The following SYT7 variants were observed in gnomAD, a reference collection of about 807,000 sequenced individuals.
SYT7 encodes the protein synaptotagmin-7.
A neutral mutation model predicts 75.1 loss-of-function variants in SYT7; 29 were observed. The observed-to-expected ratio is 0.39, with a 90% CI of 0.29 to 0.53. The LOEUF is 0.53. Among genes scored for constraint, SYT7 ranks in the 20% least tolerant of loss-of-function variants. The pLI is 0.77. For missense variants in SYT7, 693 were observed against 953.2 expected (o/e 0.73, Z 3.59); for synonymous variants, 376 against 401.7 (o/e 0.94, Z 0.76).
chr11:61,524,914 C>T lies in SYT7; in HGVS notation c.1472-382G>A. On this transcript the variant is annotated intron_variant, in intron 9 of 12. Transcript: ENST00000539008. The surrounding 1 kb of genome is among the most constrained non-coding windows in gnomAD (Gnocchi z 4.1). The stretch of plus-strand genomic sequence containing the variant: ...CCAATCGTCCCGAGGCGGGTCTGGG[C>T]AAGTGGCTCTGTCTAGGTGGCCACA... 5.8e-6 allele frequency: 1 copy of T among 172,928 alleles called. No individual in the cohort carries two copies. Among genetic ancestry groups the T allele is most frequent in the Non-Finnish European group, 1.3e-5 (1 of 79,932 alleles). The allele number at this position is 172,928 out of a possible 1,614,324, so 10.7% of individuals were successfully genotyped here. A position where few individuals can be genotyped will look rare whatever the true frequency, so the allele number is the denominator to read the frequency against.
chr11:61,581,018 C>A lies in SYT7; in HGVS notation c.-198G>T. The A allele has an allele frequency of 1.1e-6, 1 of 905,442 alleles. No homozygotes were observed. Among genetic ancestry groups the A allele is most frequent in the South Asian group, 4.9e-5 (1 of 20,534 alleles). 56.1% of individuals were successfully genotyped at this position (905,442 alleles called of 1,614,324 possible). ...CCCTCCCGCCCGCCCGCGGAGCACG[C>A]TGCCGCCGCCGCCGAACAGCGCCGA... On this transcript the variant is annotated 5_prime_UTR_variant, in exon 1 of 13. Transcript: ENST00000539008.
intron 6 of SYT7, among the ~76,000 whole-genome samples, chr11:61,538,795 C>T (rs2062957676): frequency 6.6e-6 from 1 of 152,190 alleles, no homozygotes; most frequent in African/African-American, 2.4e-5. Context: ...GCACCGGCAC[C>T]GCGCAGGCTT....
At chr11:61,531,996 T>C (rs906746052) in intron 8 of SYT7, among the ~76,000 whole-genome samples, 2 of 151,294 alleles carry the variant, frequency 1.3e-5, no homozygotes, top group African/African-American at 2.4e-5. Context: ...CCTGTGCACG[T>C]AGCAATTTGA....
At chr11:61,538,060 G>A in intron 7 of SYT7, 84 bp downstream of exon 7, 1 of 1,508,662 alleles carries the variant, frequency 6.6e-7, no homozygotes, top group Non-Finnish European at 8.9e-7. Flanking sequence ...ACCTCGTCCA[G>A]CAGCCGGGGC....
At chr11:61,538,091 T>A in intron 7 of SYT7, 53 bp downstream of exon 7, 1 of 1,531,306 alleles carries the variant, frequency 6.5e-7, no homozygotes. Flanking sequence ...AGGCGGCCTC[T>A]CCGCGCCTCC....
chr11:61,533,188 T>TG (rs1202631786), intron 7 of SYT7, 64 bp from the exon 8 acceptor site: 2 of 1,497,796 alleles, frequency 1.3e-6, no homozygotes, highest in Non-Finnish European at 1.8e-6. Context: ...CACCCCGGCC[T>TG]GGGGGGTGGC....
chr11:61,540,790 G>A (rs1358112766), intron 6 of SYT7: 3 of 985,484 alleles, frequency 3.0e-6, no homozygotes, highest in East Asian at 2.3e-4. Flanking sequence ...TCTCAGTCCT[G>A]TTCAAGCCAC....
intron 2 of SYT7, among the ~76,000 whole-genome samples, chr11:61,554,660 C>T (rs1020074945): frequency 5.9e-5 from 9 of 152,140 alleles, no homozygotes; most frequent in Admixed American, 2.0e-4. Context: ...CTCAGCCACT[C>T]CCCCAGCCTC....
chr11:61,554,498 C>CA (rs1482146034), intron 2 of SYT7, among the ~76,000 whole-genome samples: 1 of 152,220 alleles, frequency 6.6e-6, no homozygotes, highest in African/African-American at 2.4e-5. Context: ...CCCTCAAAGT[C>CA]AACACATTCA....
Position 61,573,876 on chromosome 11 carries a change from G to A in SYT7, c.31+6914C>T, listed in dbSNP as rs2063993308. ...CCTGTATCTGAAGCTCACACCCTTA[G>A]GTCTGGCAGCGTGGCTGGAATCCCA... On this transcript the variant is annotated intron_variant, in intron 1 of 12. Transcript: ENST00000539008. 3.3e-5 allele frequency among the ~76,000 whole-genome samples: 5 copies of A among 152,222 alleles called. No individual in the cohort carries two copies. In the South Asian group the frequency reaches 1.0e-3, roughly 31 times the overall value.
At chr11:61,540,915 G>A (rs2063023926) in intron 6 of SYT7, 1 of 985,492 alleles carries the variant, frequency 1.0e-6, no homozygotes, top group Middle Eastern at 5.2e-4. Flanking sequence ...TCTTGTGCAG[G>A]CGTCCAGTTA....
chr11:61,524,566 G>T lies in SYT7; in HGVS notation c.1472-34C>A. ...ATAGATGAGTGTGAGTGAAGAGGGGGACAGAGGGGCTGCACGGGGCCCGGG... is the reference window on the plus strand; with the variant it reads ...ATAGATGAGTGTGAGTGAAGAGGGGTACAGAGGGGCTGCACGGGGCCCGGG... On this transcript the variant is annotated intron_variant, in intron 9 of 12. Coordinates refer to ENST00000539008, the MANE Select transcript of SYT7 (RefSeq NM_001365809.2). This position sits in a 1 kb window ranked among gnomAD's most constrained non-coding sequence, Gnocchi z 4.1. 1 of 1,541,290 alleles carries T rather than the reference G, an allele frequency of 6.5e-7. No homozygotes were observed. Among genetic ancestry groups the T allele is most frequent in the African/African-American group, 1.4e-5 (1 of 73,020 alleles).
rs1209762799 is a variant in SYT7, at chr11:61,551,347, G to C, written c.215+37C>G. On this transcript the variant is annotated intron_variant, in intron 3 of 12. Transcript: ENST00000539008. This position sits in a 1 kb window ranked among gnomAD's most constrained non-coding sequence, Gnocchi z 5.3. ...GGGGCTCCTCCCACCTGGGCTGCTT[G>C]TGTGGCCCCATCCCAAACTAGCAGC... The C allele has an allele frequency of 6.2e-7, 1 of 1,604,852 alleles. No homozygotes were observed. Among genetic ancestry groups the C allele is most frequent in the Admixed American group, 1.7e-5 (1 of 59,954 alleles).
At chr11:61,582,981 A>G (rs2064314067), upstream of SYT7, among the ~76,000 whole-genome samples, 1 of 152,136 alleles carries the variant, frequency 6.6e-6, no homozygotes, top group African/African-American at 2.4e-5. Flanking sequence ...TAAGCCCAGC[A>G]CTTTGGGATG....
rs1016598846 is a variant in SYT7 at position 61,516,430 on chromosome 11, A to G, written c.*2197T>C. The G allele has an allele frequency of 6.6e-6, 1 of 151,858 alleles. No individual in the cohort carries two copies. Among genetic ancestry groups the G allele is most frequent in the South Asian group, 2.1e-4 (1 of 4,812 alleles). The allele number at this position is 151,858 out of a possible 1,614,324, so 9.4% of individuals were successfully genotyped here. A position where few individuals can be genotyped will look rare whatever the true frequency, so the allele number is the denominator to read the frequency against. On this transcript the variant is annotated 3_prime_UTR_variant, in exon 13 of 13. Transcript: ENST00000539008. The surrounding 1 kb of genome is among the most constrained non-coding windows in gnomAD (Gnocchi z 4.6). The stretch of plus-strand genomic sequence containing the variant: ...AAAATGGGGAGCCGTTGCCCCGCCC[A>G]CTCGATACAAGTTGGTTGGATCCCC...
chr11:61,587,235 G>A, the SYT7 span, among the ~76,000 whole-genome samples: 1 of 152,170 alleles, frequency 6.6e-6, no homozygotes, highest in Non-Finnish European at 1.5e-5. Flanking sequence ...GGCCTGAGTT[G>A]GAACCCCAGA....
rs576230370 is a variant in SYT7, at chr11:61,580,370, T to C, written c.31+420A>G. On this transcript the variant is annotated intron_variant, in intron 1 of 12. Transcript: ENST00000539008. The surrounding 1 kb of genome is among the most constrained non-coding windows in gnomAD (Gnocchi z 6.1). ...CTCCGCTCCCCTGTGCCCGCAACCT[T>C]GGCCAAGAGCTGCCGGGATCCTCGC... Among the ~76,000 whole-genome samples, 22 of 152,008 alleles carry C rather than the reference T, an allele frequency of 1.4e-4. No homozygotes were observed. The highest frequency in any genetic ancestry group is 5.3e-4 in the African/African-American group (22 of 41,412).
At chr11:61,527,832 C>T in intron 9 of SYT7, 83 bp downstream of exon 9, 2 of 1,521,468 alleles carry the variant, frequency 1.3e-6, no homozygotes, top group Non-Finnish European at 1.8e-6. Flanking sequence ...TGTGTCTGTG[C>T]ATGTGGCCAC....
At chr11:61,575,749 G>A (rs995833412) in intron 1 of SYT7, among the ~76,000 whole-genome samples, 20 of 152,248 alleles carry the variant, frequency 1.3e-4, no homozygotes, top group Non-Finnish European at 2.9e-4. Flanking sequence ...GCACCTCAAC[G>A]CGCCTCGCTA....
Sources: allele counts gnomAD v4.1 joint callset (sites outside exome capture counted in the v4.1 genomes callset), GRCh38; gene constraint gnomAD v4.1.1; non-coding constraint Gnocchi (gnomAD v3.1); transcripts MANE v1.5; gene names NCBI Gene and HGNC (gene_info 2026-07-23, HGNC 2026-07-21).